Variants in KIAA1671 observed in about 807,000 individuals in gnomAD.
KIAA1671 encodes KIAA1671.
A neutral mutation model predicts 131.2 loss-of-function variants in KIAA1671; 52 were observed. The ratio of observed to expected loss-of-function variants is 0.40; its 90% CI spans 0.32 to 0.50. KIAA1671 has a LOEUF of 0.50. KIAA1671 is among the 20% of genes least tolerant of loss of function. KIAA1671 has a pLI of 0.73. For missense variants in KIAA1671, 2,360 were observed against 2,364.2 expected (o/e 1.00, Z 0.04); for synonymous variants, 1,003 against 961.6 (o/e 1.04, Z -0.80).
At chr22:25,041,920 T>A (rs1363552833) in intron 5 of KIAA1671, among the ~76,000 whole-genome samples, 5 of 152,190 alleles carry the variant, frequency 3.3e-5, no homozygotes, top group African/African-American at 1.2e-4. Flanking sequence ...AATTTTTTAT[T>A]TTTTGTAGAG....
chr22:24,963,517 C>G (rs1922125669), intron 1 of KIAA1671, among the ~76,000 whole-genome samples: 1 of 152,044 alleles, frequency 6.6e-6, no homozygotes, highest in East Asian at 1.9e-4. Context: ...CCCTGGGCAG[C>G]TGGCTCCACT....
At chr22:25,037,400 GTATATATGTGTGTA>G (rs1210848368) in intron 4 of KIAA1671, among the ~76,000 whole-genome samples, 17 of 151,268 alleles carry the variant, frequency 1.1e-4, no homozygotes, top group African/African-American at 3.9e-4. Flanking sequence ...ATGTATATAT[GTATATATGTGTGTA>G]TATATATGTG....
chr22:25,092,236 A>C (rs1930059594), intron 6 of KIAA1671, among the ~76,000 whole-genome samples: 1 of 152,202 alleles, frequency 6.6e-6, no homozygotes, highest in Non-Finnish European at 1.5e-5. Flanking sequence ...GACTGGGAGG[A>C]AGCGTGACTG....
intron 6 of KIAA1671, among the ~76,000 whole-genome samples, chr22:25,119,520 G>T (rs764366584): frequency 1.3e-5 from 2 of 152,210 alleles, no homozygotes; most frequent in Non-Finnish European, 2.9e-5. Flanking sequence ...AACAGGCAGG[G>T]TCTTTGCCCT....
rs1602080079 is a variant in KIAA1671, at chr22:25,029,392, T to C, written c.1393T>C (p.Ser465Pro). Residue 465 changes from serine (S) to proline (P), a missense_variant, in exon 3 of 13, where the codon TCC (serine) becomes CCC (proline). Transcript: ENST00000358431. ...TGAATCTCCCCTGGCCACCCCTGCG[T>C]CCCCATCGGCGGCACCAGAGCCGGA... ...GSESPLATPA[S>P]PSAAPEPEKG... The C allele has an allele frequency of 6.4e-7, 1 of 1,551,340 alleles. No individual in the cohort carries two copies. The highest frequency in any genetic ancestry group is 1.4e-5 in the African/African-American group (1 of 73,150).
chr22:25,170,190 A>G (rs1264544502), intron 6 of KIAA1671, among the ~76,000 whole-genome samples: 5 of 152,134 alleles, frequency 3.3e-5, no homozygotes, highest in Non-Finnish European at 7.4e-5. Flanking sequence ...TGGGATTACA[A>G]GAGTGAGCCA....
intron 6 of KIAA1671, among the ~76,000 whole-genome samples, chr22:25,093,821 T>C (rs931460110): frequency 4.1e-5 from 4 of 97,356 alleles, no homozygotes; most frequent in African/African-American, 4.3e-5. Flanking sequence ...TGTCTCTCTC[T>C]CTTTCTCTCT....
At chr22:25,183,689 A>AT (rs1934372619) in intron 10 of KIAA1671, among the ~76,000 whole-genome samples, 2 of 151,762 alleles carry the variant, frequency 1.3e-5, no homozygotes, top group South Asian at 4.2e-4. Context: ...TGCCTGGCTA[A>AT]TTTTTTGTAT....
At chr22:25,166,796 G>A (rs181316341) in intron 6 of KIAA1671, among the ~76,000 whole-genome samples, 7 of 152,246 alleles carry the variant, frequency 4.6e-5, no homozygotes, top group Non-Finnish European at 8.8e-5. Context: ...ACACAGCTGG[G>A]CAGAGCAGAG....
intron 6 of KIAA1671, among the ~76,000 whole-genome samples, chr22:25,106,256 A>G (rs1209149949): frequency 6.6e-6 from 1 of 152,226 alleles, no homozygotes; most frequent in Non-Finnish European, 1.5e-5. Context: ...TGTGAATTGC[A>G]TCACTGAGTT....
chr22:25,099,326 G>A (rs1443573096), intron 6 of KIAA1671, among the ~76,000 whole-genome samples: 2 of 152,110 alleles, frequency 1.3e-5, no homozygotes, highest in Non-Finnish European at 2.9e-5. Flanking sequence ...CACATAGCAA[G>A]GAGCTGGAGG....
At chr22:25,010,797 T>TA (rs1924993470) in intron 1 of KIAA1671, 1 of 152,182 alleles carries the variant, frequency 6.6e-6, no homozygotes. Flanking sequence ...ATTTTTCACA[T>TA]AAAAAATCAA....
intron 1 of KIAA1671, among the ~76,000 whole-genome samples, chr22:24,965,857 T>C (rs1922279403): frequency 6.6e-6 from 1 of 152,194 alleles, no homozygotes; most frequent in African/African-American, 2.4e-5. Context: ...CTTGTTGTAG[T>C]AGCAGAAATA....
chr22:25,164,819 G>A (rs530611375), intron 6 of KIAA1671, among the ~76,000 whole-genome samples: 5 of 151,964 alleles, frequency 3.3e-5, no homozygotes, highest in African/African-American at 7.3e-5. Context: ...CTGGTGGCAC[G>A]CACCTGTAGT....
At chr22:25,037,293 A>G (rs891185611) in intron 4 of KIAA1671, among the ~76,000 whole-genome samples, 1 of 152,240 alleles carries the variant, frequency 6.6e-6, no homozygotes, top group Non-Finnish European at 1.5e-5. Context: ...ATTGCACTCC[A>G]GCCTGGGCAA....
chr22:25,147,497 G>A (rs1932904700), intron 6 of KIAA1671, among the ~76,000 whole-genome samples: 1 of 152,162 alleles, frequency 6.6e-6, no homozygotes, highest in Non-Finnish European at 1.5e-5. Context: ...CTGGCCCCAT[G>A]CAGCATTTTA....
At position 25,133,349 on chromosome 22, in the gene KIAA1671, GA is replaced by G. The variant is rs544313610; in HGVS notation, c.4531-37469del. ...TGGGGGAGAAATGTGCCTCTAACTG[GA>G]AGGTTTCAGTAGCATGTGTTGACCA... On this transcript the variant is annotated intron_variant, in intron 6 of 12. Coordinates refer to ENST00000358431, the MANE Select transcript of KIAA1671 (RefSeq NM_001145206.2). 3.4e-3 allele frequency among the ~76,000 whole-genome samples: 511 copies of G among 152,280 alleles called. 5 individuals carry two copies. Among genetic ancestry groups the G allele is most frequent in the African/African-American group, 0.012 (484 of 41,540 alleles).
chr22:25,119,907 G>A (rs8137529), intron 6 of KIAA1671, among the ~76,000 whole-genome samples: 10,901 of 152,216 alleles, frequency 0.072, 1,267 homozygotes, highest in African/African-American at 0.25. Flanking sequence ...GGGCCAGGCC[G>A]GATAGGGCCA....
chr22:25,070,330 G>A (rs1009630076), intron 6 of KIAA1671: 6 of 434,098 alleles, frequency 1.4e-5, no homozygotes, highest in South Asian at 7.7e-5. Flanking sequence ...GCTGGAAACC[G>A]TACTGTGCTC....
Sources: allele counts gnomAD v4.1 joint callset (sites outside exome capture counted in the v4.1 genomes callset), GRCh38; gene constraint gnomAD v4.1.1; transcripts MANE v1.5; gene names NCBI Gene and HGNC (gene_info 2026-07-23, HGNC 2026-07-21).